The following CHMP4B variants were observed in gnomAD, a reference collection of about 807,000 sequenced individuals.
The protein encoded by CHMP4B is SNF7 homolog associated with Alix 1.
Under a neutral mutation model 25.1 loss-of-function variants are expected in CHMP4B, and 1 was observed. The observed-to-expected ratio is 0.04, with a 90% CI of 0.01 to 0.19. CHMP4B has a LOEUF of 0.19. Among genes scored for constraint, CHMP4B ranks in the 10% least tolerant of loss-of-function variants. CHMP4B has a pLI of 1.00. For missense variants in CHMP4B, 151 were observed against 289.7 expected, an observed-to-expected ratio of 0.52 and a Z score of 3.48; for synonymous variants, 101 against 115.6, an observed-to-expected ratio of 0.87 and a Z score of 0.81.
At chr20:33,811,805 C>A (rs560793079) in intron 1 of CHMP4B, 147 bp downstream of exon 1, 1 of 795,360 alleles carries the variant, frequency 1.3e-6, no homozygotes. Flanking sequence ...GGGACCCCCT[C>A]CCCGACTCCC....
chr20:33,815,505 A>T (rs1034716456), intron 1 of CHMP4B, among the ~76,000 whole-genome samples: 1 of 152,128 alleles, frequency 6.6e-6, no homozygotes, highest in African/African-American at 2.4e-5. Context: ...TTGGATGGTG[A>T]TGGCAGTAAT....
chr20:33,819,383 A>G (rs1462969564), intron 1 of CHMP4B, among the ~76,000 whole-genome samples: 2 of 152,192 alleles, frequency 1.3e-5, no homozygotes, highest in Non-Finnish European at 2.9e-5. Context: ...GACAGGGAAA[A>G]GTGATCGTAT....
In CHMP4B at chr20:33,811,474, G is replaced by A; in HGVS notation, c.6G>A (p.Ser2=). The stretch of plus-strand genomic sequence containing the variant: ...CGGCGCGGCGAGCAGCAACCATGTC[G>A]GTGTTCGGGAAGCTGTTCGGGGCTG... M[S]VFGKLFGAGG... The change falls in exon 1 of 5, where the codon TCG becomes TCA. Residue 2 remains serine, a synonymous_variant. Coordinates refer to ENST00000217402, the MANE Select transcript of CHMP4B (RefSeq NM_176812.5). 6.4e-7 allele frequency: 1 copy of A among 1,556,116 alleles called. No individual in the cohort carries two copies. The highest frequency in any genetic ancestry group is 8.7e-7 in the Non-Finnish European group (1 of 1,148,434).
intron 1 of CHMP4B, among the ~76,000 whole-genome samples, chr20:33,824,205 T>C (rs1009305744): frequency 8.5e-5 from 13 of 152,298 alleles, no homozygotes; most frequent in African/African-American, 2.2e-4. Flanking sequence ...CCCCATTTTT[T>C]CCCTTTTTTT....
intron 1 of CHMP4B, among the ~76,000 whole-genome samples, chr20:33,845,100 C>T (rs769206130): frequency 2.6e-4 from 40 of 152,008 alleles, no homozygotes; most frequent in Non-Finnish European, 5.1e-4. Context: ...CACTTGCTGT[C>T]GTTCTGAGAC....
In CHMP4B at chr20:33,811,426, G is replaced by T. The variant is rs1978603986; in HGVS notation, c.-43G>T. On this transcript the variant is annotated 5_prime_UTR_variant, in exon 1 of 5. Coordinates refer to ENST00000217402, the MANE Select transcript of CHMP4B (RefSeq NM_176812.5). ...GACCCGAGCCGAGCCGAGCCGAGCC[G>T]AGCCGGAGCGGGCGGCGAAGGCCGG... is the stretch of plus-strand genomic sequence containing the variant. The T allele has an allele frequency of 6.9e-7, 1 of 1,452,734 alleles. No homozygotes were observed. 90.0% of individuals were successfully genotyped at this position (1,452,734 alleles called of 1,614,324 possible).
chr20:33,840,855 C>CA (rs1471318003), intron 1 of CHMP4B, among the ~76,000 whole-genome samples: 2 of 152,124 alleles, frequency 1.3e-5, no homozygotes, highest in African/African-American at 4.8e-5. Context: ...TTAATCCTCA[C>CA]AATAACCCTA....
intron 1 of CHMP4B, among the ~76,000 whole-genome samples, chr20:33,839,543 AT>A (rs1979478078): frequency 6.6e-6 from 1 of 152,048 alleles, no homozygotes. Flanking sequence ...TAGAAAAAAA[AT>A]TTTTTTCCAG....
chr20:33,820,256 A>G (rs146218147), intron 1 of CHMP4B, among the ~76,000 whole-genome samples: 6 of 152,284 alleles, frequency 3.9e-5, no homozygotes, highest in African/African-American at 1.2e-4. Flanking sequence ...CCTGCATTTT[A>G]TGAGATCCTC....
chr20:33,837,244 C>T (rs1048709120), intron 1 of CHMP4B, among the ~76,000 whole-genome samples: 3 of 151,926 alleles, frequency 2.0e-5, no homozygotes, highest in Non-Finnish European at 4.4e-5. Context: ...ACAGCTATTT[C>T]GGAGGCTGAG....
At chr20:33,850,818 C>T in intron 2 of CHMP4B, 134 bp from the exon 3 acceptor site, 1 of 717,854 alleles carries the variant, frequency 1.4e-6, no homozygotes, top group East Asian at 2.7e-5. Context: ...AGTAACCCCT[C>T]ACAGGGAGTC....
At chr20:33,842,651 G>T (rs1979575986) in intron 1 of CHMP4B, among the ~76,000 whole-genome samples, 1 of 152,186 alleles carries the variant, frequency 6.6e-6, no homozygotes, top group Non-Finnish European at 1.5e-5. Flanking sequence ...AGTGTCCTCA[G>T]GACCTCAGGA....
intron 1 of CHMP4B, among the ~76,000 whole-genome samples, chr20:33,825,361 T>G (rs1601319262): frequency 6.6e-6 from 1 of 152,202 alleles, no homozygotes; most frequent in South Asian, 2.1e-4. Context: ...GTGTGATATA[T>G]TCATCATTTA....
chr20:33,821,572 A>G (rs1433638698), intron 1 of CHMP4B, among the ~76,000 whole-genome samples: 2 of 152,124 alleles, frequency 1.3e-5, no homozygotes, highest in African/African-American at 4.8e-5. Flanking sequence ...TTTGATCAGC[A>G]TGGTGTGTCC....
chr20:33,818,675 AC>A lies in CHMP4B; in HGVS notation c.190+7018del, dbSNP rs200643450. Reference sequence around the variant, plus strand: ...AGGGTTGGGGCAAATCCCAGCTTTGACACTAGACATTTGTGAACTAGAAAAC... The same window carrying A: ...AGGGTTGGGGCAAATCCCAGCTTTGAACTAGACATTTGTGAACTAGAAAAC... On this transcript the variant is annotated intron_variant, in intron 1 of 4. Transcript: ENST00000217402. Among the ~76,000 whole-genome samples, 16 of 152,316 alleles carry A rather than the reference AC, an allele frequency of 1.1e-4. No individual in the cohort carries two copies. The East Asian group carries it at 2.9e-3, about 28-fold the overall frequency.
chr20:33,841,729 TC>T (rs1555792398), intron 1 of CHMP4B, among the ~76,000 whole-genome samples: 11 of 151,932 alleles, frequency 7.2e-5, no homozygotes, highest in African/African-American at 1.7e-4. Flanking sequence ...CATTCTTTTT[TC>T]CCCCCCTTCT....
At chr20:33,811,743 C>T in intron 1 of CHMP4B, 85 bp downstream of exon 1, 1 of 1,396,844 alleles carries the variant, frequency 7.2e-7, no homozygotes, top group Non-Finnish European at 1.0e-6. Flanking sequence ...AGACTCGCCT[C>T]GGGGTCTGGT....
chr20:33,845,899 G>A (rs949671761), intron 1 of CHMP4B, among the ~76,000 whole-genome samples: 34 of 152,210 alleles, frequency 2.2e-4, no homozygotes, highest in African/African-American at 7.5e-4. Context: ...TGGCAAAGGC[G>A]GTTCTGTAGA....
intron 1 of CHMP4B, among the ~76,000 whole-genome samples, chr20:33,840,169 C>T (rs754350107): frequency 6.6e-6 from 1 of 151,838 alleles, no homozygotes; most frequent in Non-Finnish European, 1.5e-5. Flanking sequence ...TTACTTGAAC[C>T]CGGGAGGCAG....
Sources: allele counts gnomAD v4.1 joint callset (sites outside exome capture counted in the v4.1 genomes callset), GRCh38; gene constraint gnomAD v4.1.1; transcripts MANE v1.5; gene names NCBI Gene and HGNC (gene_info 2026-07-23, HGNC 2026-07-21).